Variants in DTNBP1 observed in about 807,000 individuals in gnomAD.
DTNBP1 encodes dysbindin.
DTNBP1 carries 35 observed loss-of-function variants against 42.8 expected under a neutral mutation model. The observed-to-expected ratio is 0.82, with a 90% CI of 0.63 to 1.09. The LOEUF (loss-of-function observed/expected upper bound fraction) is 1.09. Ranked by LOEUF, DTNBP1 falls within the 50% of genes least tolerant of loss-of-function variation. The pLI is 0.00. For missense variants in DTNBP1, 457 were observed against 424.2 expected (o/e 1.08, Z -0.68); for synonymous variants, 171 against 162.2 (o/e 1.05, Z -0.41).
At chr6:15,596,122 A>G (rs1776505891) in intron 6 of DTNBP1, among the ~76,000 whole-genome samples, 1 of 152,170 alleles carries the variant, frequency 6.6e-6, no homozygotes. Flanking sequence ...AAGGATTCCA[A>G]TTTGAAAAGT....
At chr6:15,599,085 C>T (rs139310270) in intron 6 of DTNBP1, among the ~76,000 whole-genome samples, 3 of 152,278 alleles carry the variant, frequency 2.0e-5, no homozygotes, top group African/African-American at 7.2e-5. Context: ...GTTGGCAGCA[C>T]TAAGTTATAC....
At chr6:15,647,563 G>GA (rs998452546) in intron 3 of DTNBP1, among the ~76,000 whole-genome samples, 41 of 140,900 alleles carry the variant, frequency 2.9e-4, no homozygotes, top group South Asian at 2.5e-3. Context: ...GATTGACTAA[G>GA]AAAAAAAAAA....
intron 7 of DTNBP1, among the ~76,000 whole-genome samples, chr6:15,588,722 T>C (rs1776177334): frequency 1.3e-5 from 2 of 152,220 alleles, no homozygotes; most frequent in Non-Finnish European, 2.9e-5. Flanking sequence ...GGCAAATTAT[T>C]TGTGGCTCCT....
intron 7 of DTNBP1, among the ~76,000 whole-genome samples, chr6:15,571,314 T>A (rs1158023039): frequency 6.6e-6 from 1 of 152,198 alleles, no homozygotes; most frequent in Non-Finnish European, 1.5e-5. Flanking sequence ...AAGAAAAGAT[T>A]TTGGCTGTCA....
chr6:15,524,809 T>C, intron 8 of DTNBP1, 140 bp from the exon 9 acceptor site: 1 of 1,311,550 alleles, frequency 7.6e-7, no homozygotes, highest in Non-Finnish European at 1.0e-6. Flanking sequence ...TATTAGTAGA[T>C]GACATATGCC....
chr6:15,597,338 A>G (rs12203173), intron 6 of DTNBP1, among the ~76,000 whole-genome samples: 21,110 of 152,138 alleles, frequency 0.14, 1,662 homozygotes, highest in East Asian at 0.3. Context: ...ATGCATTTTC[A>G]AGGACAGTAT....
chr6:15,541,566 A>G (rs1459828905), intron 7 of DTNBP1, among the ~76,000 whole-genome samples: 1 of 152,212 alleles, frequency 6.6e-6, no homozygotes, highest in East Asian at 1.9e-4. Flanking sequence ...TAGTTTTTCT[A>G]CGACGAGTCA....
chr6:15,602,214 G>A (rs1403880333), intron 6 of DTNBP1, among the ~76,000 whole-genome samples: 2 of 152,132 alleles, frequency 1.3e-5, no homozygotes, highest in Non-Finnish European at 2.9e-5. Flanking sequence ...GCAAGAAAAA[G>A]AGACCTGCTT....
chr6:15,566,901 G>C (rs1361699536), intron 7 of DTNBP1, among the ~76,000 whole-genome samples: 1 of 152,004 alleles, frequency 6.6e-6, no homozygotes, highest in Non-Finnish European at 1.5e-5. Flanking sequence ...CAGTTGGCCA[G>C]GCTGGTGTTG....
At chr6:15,556,113 T>C (rs1774502582) in intron 7 of DTNBP1, among the ~76,000 whole-genome samples, 1 of 151,954 alleles carries the variant, frequency 6.6e-6, no homozygotes, top group Non-Finnish European at 1.5e-5. Context: ...GTCTTTGGGT[T>C]AATCCCCGGG....
In DTNBP1 at chr6:15,533,351, G is replaced by A. The variant is rs556813776; in HGVS notation, c.556C>T (p.His186Tyr). 1.9e-6 allele frequency: 3 copies of A among 1,614,222 alleles called. No homozygotes were observed. Among genetic ancestry groups the A allele is most frequent in the South Asian group, 2.2e-5 (2 of 91,086 alleles). ...TCCTTCAGCTTCATTTGCTGGGTGT[G>A]CTCCATTTCCAGGACCTTCTGGGCG... ...EHAQKVLEME[H>Y]TQQMKLKERQ... Residue 186 changes from histidine to tyrosine, a missense_variant, in exon 8 of 10, where the codon CAC becomes TAC. His to Tyr is a moderately conservative substitution (Grantham distance 83). Transcript: ENST00000344537.
intron 8 of DTNBP1, 70 bp from the exon 9 acceptor site, chr6:15,524,739 G>T: frequency 6.3e-7 from 1 of 1,582,812 alleles, no homozygotes; most frequent in South Asian, 1.1e-5. Flanking sequence ...ACTTCCATTG[G>T]CATTAGGCTA....
chr6:15,619,825 C>G (rs1242282106), intron 5 of DTNBP1, among the ~76,000 whole-genome samples: 2 of 151,706 alleles, frequency 1.3e-5, no homozygotes, highest in Non-Finnish European at 2.9e-5. Flanking sequence ...CAATTACATT[C>G]TTTAAGTTAT....
At chr6:15,547,137 A>G (rs1199547855) in intron 7 of DTNBP1, among the ~76,000 whole-genome samples, 1 of 152,140 alleles carries the variant, frequency 6.6e-6, no homozygotes, top group Non-Finnish European at 1.5e-5. Flanking sequence ...TCAAAATCAA[A>G]GGCTTTTTTT....
intron 3 of DTNBP1, among the ~76,000 whole-genome samples, chr6:15,647,085 G>T (rs897810578): frequency 6.6e-6 from 1 of 151,776 alleles, no homozygotes; most frequent in African/African-American, 2.4e-5. Context: ...ATGAGAGAAA[G>T]TTTTTGCAAA....
At chr6:15,533,590 G>A (rs758170536) in intron 7 of DTNBP1, 195 bp from the exon 8 acceptor site, 32 of 869,102 alleles carry the variant, frequency 3.7e-5, no homozygotes, top group Non-Finnish European at 1.1e-5. Context: ...CTACCTGGGC[G>A]GTCAGGGTCA....
chr6:15,524,392 A>G, intron 9 of DTNBP1, 134 bp downstream of exon 9: 2 of 1,614,118 alleles, frequency 1.2e-6, no homozygotes, highest in Non-Finnish European at 1.7e-6. Context: ...CCGTGGGGTT[A>G]GGGAGCCAGG....
intron 5 of DTNBP1, among the ~76,000 whole-genome samples, chr6:15,618,237 G>A (rs905140567): frequency 6.6e-6 from 1 of 152,070 alleles, no homozygotes; most frequent in Non-Finnish European, 1.5e-5. Flanking sequence ...TACATGAATG[G>A]CCAACAGGTA....
chr6:15,645,143 T>G (rs201384460), intron 3 of DTNBP1, among the ~76,000 whole-genome samples: 14 of 151,964 alleles, frequency 9.2e-5, no homozygotes, highest in East Asian at 3.8e-4. Context: ...CAGAGACTAC[T>G]AAGAACATCT....
Sources: gnomAD v4.1 joint callset for allele counts (sites outside exome capture counted in the v4.1 genomes callset) on GRCh38, gnomAD v4.1.1 for gene constraint, MANE v1.5 for transcripts, NCBI Gene and HGNC (gene_info 2026-07-23, HGNC 2026-07-21) for gene names.